Variants in DENND5B observed in about 807,000 individuals in gnomAD.
DENND5B encodes DENN domain-containing protein 5B.
In DENND5B, 34 loss-of-function variants were observed where a neutral mutation model predicts 140.6. That is an observed-to-expected ratio of 0.24 (90% confidence interval 0.18 to 0.32). The LOEUF (loss-of-function observed/expected upper bound fraction) is 0.32. Among genes scored for constraint, DENND5B ranks in the 10% least tolerant of loss-of-function variants. The pLI is 1.00. For missense variants in DENND5B, 1,142 were observed against 1,560.2 expected (o/e 0.73, Z 4.52); for synonymous variants, 551 against 562.1 (o/e 0.98, Z 0.28).
chr12:31,558,142 G>A (rs971400311), intron 1 of DENND5B, among the ~76,000 whole-genome samples: 1 of 152,210 alleles, frequency 6.6e-6, no homozygotes, highest in Non-Finnish European at 1.5e-5. Context: ...GAGATACTCA[G>A]ACACTGAGCC....
chr12:31,483,693 C>A lies in DENND5B; in HGVS notation c.238-3438G>T, dbSNP rs181060230. On this transcript the variant is annotated intron_variant, in intron 2 of 20. Transcript: ENST00000389082. The stretch of plus-strand genomic sequence containing the variant: ...GACCTCATGATCCGCCTGCTTCGTC[C>A]TCTCAAAGTGCTGGGATTACAGGCT... Among the ~76,000 whole-genome samples, 437 of 151,894 alleles carry A rather than the reference C, an allele frequency of 2.9e-3. 4 individuals are homozygous for A. The highest frequency in any genetic ancestry group is 4.6e-3 in the Non-Finnish European group (312 of 67,972).
rs1334954260 is a variant in DENND5B, at chr12:31,514,821, CA to C, written c.128-18903del. 6.8e-3 allele frequency among the ~76,000 whole-genome samples: 638 copies of C among 94,080 alleles called. 4 individuals are homozygous for C. The highest frequency in any genetic ancestry group is 0.02 in the African/African-American group (517 of 26,356). 61.7% of individuals were successfully genotyped at this position (94,080 alleles called of 152,430 possible). The stretch of plus-strand genomic sequence containing the variant: ...TGGGTGACAAAGTGAGACTCCGTCT[CA>C]AAAAAAAAAAAAAATTAAGATTTGT... On this transcript the variant is annotated intron_variant, in intron 1 of 20. Transcript: ENST00000389082.
intron 5 of DENND5B, 59 bp from the exon 6 acceptor site, chr12:31,447,828 T>A: frequency 8.4e-7 from 1 of 1,184,222 alleles, no homozygotes; most frequent in Non-Finnish European, 1.2e-6. Context: ...CACTACATGA[T>A]AAGCCTGAAA....
intron 1 of DENND5B, among the ~76,000 whole-genome samples, chr12:31,583,680 AAAAAACAAAAAC>A (rs138197353): frequency 2.0e-4 from 30 of 150,438 alleles, no homozygotes; most frequent in African/African-American, 1.9e-4. Context: ...TGTGTCTGGG[AAAAAACAAAAAC>A]AAAAACAAAA....
chr12:31,388,819 A>G (rs1940979700), intron 20 of DENND5B, among the ~76,000 whole-genome samples: 1 of 152,218 alleles, frequency 6.6e-6, no homozygotes, highest in Non-Finnish European at 1.5e-5. Flanking sequence ...AAATGTAAAT[A>G]TAGTGGTATA....
chr12:31,583,022 G>A (rs1052849619), intron 1 of DENND5B, among the ~76,000 whole-genome samples: 1 of 152,184 alleles, frequency 6.6e-6, no homozygotes, highest in Non-Finnish European at 1.5e-5. Context: ...GGCCAGGCGT[G>A]GTGGCTCACG....
intron 2 of DENND5B, among the ~76,000 whole-genome samples, chr12:31,486,030 G>C (rs998465912): frequency 6.6e-6 from 1 of 152,248 alleles, no homozygotes; most frequent in South Asian, 2.1e-4. Flanking sequence ...TGTAGGCTAA[G>C]TAATGATTTT....
chr12:31,460,133 G>A (rs1944948453), intron 4 of DENND5B, 61 bp downstream of exon 4: 6 of 1,498,346 alleles, frequency 4.0e-6, no homozygotes, highest in Non-Finnish European at 5.4e-6. Context: ...GCAATCTAAC[G>A]AAAGTCGCCT....
intron 1 of DENND5B, among the ~76,000 whole-genome samples, chr12:31,568,020 G>C (rs1358002043): frequency 1.3e-5 from 2 of 152,118 alleles, no homozygotes; most frequent in Admixed American, 1.3e-4. Flanking sequence ...CTGTCCTTCA[G>C]AGGGCCATCT....
chr12:31,443,827 G>A (rs1593179503), intron 6 of DENND5B: 1 of 152,090 alleles, frequency 6.6e-6, no homozygotes. Context: ...AGATCAAGAA[G>A]GTAATACAGC....
intron 2 of DENND5B, among the ~76,000 whole-genome samples, chr12:31,495,389 C>CTTTTTTTTTTTTTTTTTTTTTT (rs149645342): frequency 7.3e-6 from 1 of 136,206 alleles, no homozygotes; most frequent in African/African-American, 2.8e-5. Flanking sequence ...CTTTTTTTTT[C>CTTTTTTTTTTTTTTTTTTTTTT]TTTTTTTGAG....
chr12:31,458,227 A>C (rs988529893), intron 4 of DENND5B, among the ~76,000 whole-genome samples: 4 of 152,216 alleles, frequency 2.6e-5, no homozygotes, highest in Non-Finnish European at 5.9e-5. Context: ...CCAACTACAG[A>C]TATATCAAGC....
At chr12:31,430,373 G>T (rs1177416123) in intron 8 of DENND5B, among the ~76,000 whole-genome samples, 3 of 151,324 alleles carry the variant, frequency 2.0e-5, no homozygotes, top group Non-Finnish European at 4.4e-5. Context: ...ACCACTGTCG[G>T]CTGGTCAAGG....
intron 2 of DENND5B, among the ~76,000 whole-genome samples, chr12:31,491,326 G>T (rs934882645): frequency 6.6e-6 from 1 of 152,098 alleles, no homozygotes; most frequent in Admixed American, 6.6e-5. Context: ...GATGGTGCGC[G>T]ACTATAATCC....
At chr12:31,403,194 A>T (rs1264984052) in intron 14 of DENND5B, among the ~76,000 whole-genome samples, 1 of 152,022 alleles carries the variant, frequency 6.6e-6, no homozygotes, top group Admixed American at 6.6e-5. Flanking sequence ...AAACAATGGA[A>T]CCTCCACTCT....
At chr12:31,426,620 C>T in intron 8 of DENND5B, 196 bp from the exon 9 acceptor site, 1 of 506,400 alleles carries the variant, frequency 2.0e-6, no homozygotes, top group South Asian at 2.7e-5. Flanking sequence ...ACTGTTAACT[C>T]CTGTGAGAAG....
chr12:31,504,801 C>T (rs865829383), intron 1 of DENND5B, among the ~76,000 whole-genome samples: 38 of 152,082 alleles, frequency 2.5e-4, no homozygotes, highest in African/African-American at 7.5e-4. Context: ...GGGGGTCAAA[C>T]GATTAGTTCT....
chr12:31,527,761 G>C (rs1398305103), intron 1 of DENND5B, among the ~76,000 whole-genome samples: 2 of 151,990 alleles, frequency 1.3e-5, no homozygotes, highest in Middle Eastern at 6.8e-3. Flanking sequence ...CTGCGTGACA[G>C]AGCAAGACTC....
chr12:31,584,609 G>C (rs1950329994), intron 1 of DENND5B, among the ~76,000 whole-genome samples: 1 of 152,074 alleles, frequency 6.6e-6, no homozygotes, highest in Non-Finnish European at 1.5e-5. Context: ...GAGCTCAGGA[G>C]TTTGAGATCA....
Sources: allele counts gnomAD v4.1 joint callset (sites outside exome capture counted in the v4.1 genomes callset), GRCh38; gene constraint gnomAD v4.1.1; transcripts MANE v1.5; gene names NCBI Gene and HGNC (gene_info 2026-07-23, HGNC 2026-07-21).